Variants in CCDC169 observed in about 807,000 individuals in gnomAD.
CCDC169 encodes the protein coiled-coil domain containing 169.
CCDC169 carries 30 observed loss-of-function variants against 36.0 expected under a neutral mutation model. That is an observed-to-expected ratio of 0.83 (90% CI 0.62 to 1.13). The LOEUF is 1.13. Among genes scored for constraint, CCDC169 ranks in the 50% most tolerant of loss-of-function variants. CCDC169 has a pLI of 0.00. For missense variants in CCDC169, 245 were observed against 245.9 expected (o/e 1.00, Z 0.03); for synonymous variants, 85 against 81.5 (o/e 1.04, Z -0.23).
At chr13:36,249,305 T>C (rs1040951385) in intron 6 of CCDC169, among the ~76,000 whole-genome samples, 3 of 152,260 alleles carry the variant, frequency 2.0e-5, no homozygotes. Context: ...TTACCAAAGA[T>C]AGACAGGCCA....
intron 7 of CCDC169, among the ~76,000 whole-genome samples, chr13:36,237,872 C>T (rs997161237): frequency 6.6e-6 from 1 of 152,154 alleles, no homozygotes; most frequent in African/African-American, 2.4e-5. Flanking sequence ...GTGTTCCCTA[C>T]AGTAATATGC....
At chr13:36,280,846 T>G (rs1877422374) in intron 4 of CCDC169, 1 of 152,368 alleles carries the variant, frequency 6.6e-6, no homozygotes, top group African/African-American at 2.4e-5. Flanking sequence ...TCACTTTAAA[T>G]GACTTTGTGT....
chr13:36,283,424 A>T, intron 4 of CCDC169, 45 bp downstream of exon 4: 1 of 1,503,054 alleles, frequency 6.7e-7, no homozygotes, highest in Non-Finnish European at 9.0e-7. Context: ...AAATAGACAT[A>T]ATTTCCTTCA....
chr13:36,240,804 A>G (rs1594003946), intron 7 of CCDC169: 1 of 266,436 alleles, frequency 3.8e-6, no homozygotes, highest in Non-Finnish European at 7.2e-6. Flanking sequence ...TAGTTAATAC[A>G]CACCATGGGC....
At chr13:36,297,172 C>T (rs1257135359) in intron 1 of CCDC169, among the ~76,000 whole-genome samples, 1 of 152,006 alleles carries the variant, frequency 6.6e-6, no homozygotes, top group East Asian at 1.9e-4. Flanking sequence ...AAAAATTTAA[C>T]ACGAAGTACG....
chr13:36,246,856 T>C (rs1872558525), intron 7 of CCDC169, among the ~76,000 whole-genome samples: 1 of 152,110 alleles, frequency 6.6e-6, no homozygotes, highest in African/African-American at 2.4e-5. Context: ...GATACCCCTA[T>C]CTCAGCCCCA....
intron 6 of CCDC169, among the ~76,000 whole-genome samples, chr13:36,249,629 G>A (rs758552112): frequency 6.6e-6 from 1 of 152,206 alleles, no homozygotes; most frequent in Non-Finnish European, 1.5e-5. Flanking sequence ...ACAGTTAATC[G>A]TAAAGTAAAA....
At chr13:36,259,189 C>T (rs892580563) in intron 4 of CCDC169, among the ~76,000 whole-genome samples, 1 of 152,068 alleles carries the variant, frequency 6.6e-6, no homozygotes, top group African/African-American at 2.4e-5. Context: ...AGCAGGATGG[C>T]GGAATTAGAA....
intron 2 of CCDC169, among the ~76,000 whole-genome samples, chr13:36,285,598 G>GATACATAGATAC (rs1196774008): frequency 6.9e-6 from 1 of 144,172 alleles, no homozygotes; most frequent in African/African-American, 2.5e-5. Flanking sequence ...TAGATAGATA[G>GATACATAGATAC]ATAGATAGAT....
chr13:36,229,585 T>C (rs1870202021), downstream of CCDC169, among the ~76,000 whole-genome samples: 1 of 145,370 alleles, frequency 6.9e-6, no homozygotes, highest in African/African-American at 2.6e-5. Context: ...TCTCCCAAGC[T>C]GGAGTGCAGT....
intron 2 of CCDC169, among the ~76,000 whole-genome samples, chr13:36,293,606 G>A (rs1252125650): frequency 1.3e-5 from 2 of 152,074 alleles, no homozygotes; most frequent in Non-Finnish European, 2.9e-5. Flanking sequence ...TTGCTCTTGG[G>A]ATACATCCTC....
chr13:36,288,875 G>T (rs1878550332), intron 2 of CCDC169, among the ~76,000 whole-genome samples: 1 of 151,984 alleles, frequency 6.6e-6, no homozygotes, highest in Admixed American at 6.6e-5. Context: ...ACATGAGAAA[G>T]ATTTTATATA....
intron 1 of CCDC169, 92 bp from the exon 2 acceptor site, chr13:36,295,949 A>G: frequency 2.9e-6 from 2 of 692,170 alleles, no homozygotes; most frequent in Non-Finnish European, 4.8e-6. Flanking sequence ...TTCAGGAACA[A>G]TTTACTATGA....
chr13:36,227,335 C>T (rs1480552796), downstream of CCDC169: 6 of 1,550,938 alleles, frequency 3.9e-6, no homozygotes, highest in East Asian at 1.5e-4. Context: ...CCCAATGTCT[C>T]CAAGCAGCTG....
At chr13:36,275,516 A>G (rs983002127) in intron 4 of CCDC169, among the ~76,000 whole-genome samples, 3 of 152,166 alleles carry the variant, frequency 2.0e-5, no homozygotes, top group Admixed American at 6.5e-5. Flanking sequence ...TCCACAGAAC[A>G]CCTCAGGAGG....
chr13:36,268,648 C>CAA (rs35807316), intron 4 of CCDC169, among the ~76,000 whole-genome samples: 4 of 151,622 alleles, frequency 2.6e-5, no homozygotes, highest in South Asian at 2.1e-4. Flanking sequence ...GAAATTCAAA[C>CAA]AAAAAAACCC....
chr13:36,287,143 A>G (rs1878349264), intron 2 of CCDC169, among the ~76,000 whole-genome samples: 1 of 149,122 alleles, frequency 6.7e-6, no homozygotes, highest in Non-Finnish European at 1.5e-5. Context: ...TATAGAGTTA[A>G]GTAGAGTCTT....
chr13:36,226,608 A>G (rs1173217874), downstream of CCDC169: 1 of 152,210 alleles, frequency 6.6e-6, no homozygotes, highest in Admixed American at 6.5e-5. Context: ...GGAATACTAC[A>G]CAGTCATAAA....
chr13:36,295,025 G>C (rs1455287182), intron 2 of CCDC169, among the ~76,000 whole-genome samples: 1 of 152,064 alleles, frequency 6.6e-6, no homozygotes, highest in Non-Finnish European at 1.5e-5. Context: ...ATGAGGGGTG[G>C]TCTCCTCCCT....
Sources: allele counts gnomAD v4.1 joint callset (sites outside exome capture counted in the v4.1 genomes callset), GRCh38; gene constraint gnomAD v4.1.1; transcripts MANE v1.5; gene names NCBI Gene and HGNC (gene_info 2026-07-23, HGNC 2026-07-21).